LPP: variants seen among roughly 807,000 people sequenced by gnomAD.
The protein encoded by LPP is lipoma-preferred partner.
A neutral mutation model predicts 60.4 loss-of-function variants in LPP; 38 were observed. The observed-to-expected ratio is 0.63, with a 90% CI of 0.49 to 0.83. The LOEUF is 0.83. Among genes scored for constraint, LPP ranks in the 40% least tolerant of loss-of-function variants. The pLI, the probability that LPP is intolerant of heterozygous loss-of-function variation, is 0.00. For synonymous variants in LPP, 328 were observed against 290.8 expected, an observed-to-expected ratio of 1.13 and a Z score of -1.30; for missense variants, 902 against 783.6, an observed-to-expected ratio of 1.15 and a Z score of -1.80.
At chr3:188,577,692 C>T (rs942106884) in intron 6 of LPP, among the ~76,000 whole-genome samples, 2 of 151,658 alleles carry the variant, frequency 1.3e-5, no homozygotes, top group Admixed American at 6.6e-5. Context: ...TTCTCCCTCC[C>T]TTCCTTTCTA....
At chr3:188,787,985 C>G (rs1742486221) in intron 9 of LPP, among the ~76,000 whole-genome samples, 1 of 152,186 alleles carries the variant, frequency 6.6e-6, no homozygotes, top group African/African-American at 2.4e-5. Flanking sequence ...AAGGTGTTCC[C>G]TTTTAAACCT....
chr3:188,747,929 T>C (rs16863577), intron 8 of LPP, among the ~76,000 whole-genome samples: 17,034 of 152,152 alleles, frequency 0.11, 1,054 homozygotes, highest in East Asian at 0.15. Context: ...TGTCAAGTAT[T>C]TGTGGCCCCA....
chr3:188,532,020 A>G (rs749697920), intron 6 of LPP, among the ~76,000 whole-genome samples: 1 of 152,122 alleles, frequency 6.6e-6, no homozygotes, highest in Non-Finnish European at 1.5e-5. Context: ...CTCCAGGTAG[A>G]TTGTGTCAGA....
intron 2 of LPP, among the ~76,000 whole-genome samples, chr3:188,303,349 G>T (rs1009887246): frequency 6.6e-6 from 1 of 152,182 alleles, no homozygotes; most frequent in Non-Finnish European, 1.5e-5. Flanking sequence ...TGAAAATAGA[G>T]AACTTTGTTT....
intron 8 of LPP, among the ~76,000 whole-genome samples, chr3:188,722,588 A>G (rs192183639): frequency 1.6e-4 from 24 of 152,200 alleles, no homozygotes; most frequent in African/African-American, 5.3e-4. Context: ...GCAGCTTTAA[A>G]ATGAGTGTTA....
chr3:188,503,379 A>G (rs1310941490), intron 5 of LPP, among the ~76,000 whole-genome samples: 2 of 152,208 alleles, frequency 1.3e-5, no homozygotes, highest in Non-Finnish European at 2.9e-5. Flanking sequence ...CAATCAAATT[A>G]CAATAATATG....
chr3:188,731,101 A>G (rs1401191813), intron 8 of LPP, among the ~76,000 whole-genome samples: 1 of 152,170 alleles, frequency 6.6e-6, no homozygotes, highest in East Asian at 1.9e-4. Flanking sequence ...GGTTTCAAGC[A>G]TTTGGACATG....
At chr3:188,613,261 C>CCTATACCTATATCTATAT (rs374856083) in intron 7 of LPP, among the ~76,000 whole-genome samples, 5 of 117,336 alleles carry the variant, frequency 4.3e-5, no homozygotes, top group African/African-American at 1.2e-4. Flanking sequence ...TATATCTATA[C>CCTATACCTATATCTATAT]CTATATCTAT....
At chr3:188,238,991 T>G (rs2149426024) in intron 2 of LPP, among the ~76,000 whole-genome samples, 1 of 152,246 alleles carries the variant, frequency 6.6e-6, no homozygotes, top group Admixed American at 6.5e-5. Context: ...CAGGAAAAAA[T>G]AAATTGCTTT....
intron 1 of LPP, among the ~76,000 whole-genome samples, chr3:188,184,014 A>G (rs76461682): frequency 0.015 from 2,322 of 152,232 alleles, 62 homozygotes; most frequent in African/African-American, 0.054. Flanking sequence ...TAAGATTTCC[A>G]GTTGCTGGAG....
intron 6 of LPP, among the ~76,000 whole-genome samples, chr3:188,583,539 A>T (rs962561860): frequency 6.6e-6 from 1 of 151,992 alleles, no homozygotes; most frequent in Non-Finnish European, 1.5e-5. Context: ...CCTAATCCTT[A>T]CACCTTCCAC....
intron 4 of LPP, among the ~76,000 whole-genome samples, chr3:188,451,691 C>T (rs140320879): frequency 3.1e-4 from 47 of 152,204 alleles, no homozygotes; most frequent in African/African-American, 9.9e-4. Context: ...GGTAGATGAT[C>T]TGTGTGTGCT....
chr3:188,853,018 C>T (rs1355752486), intron 9 of LPP, among the ~76,000 whole-genome samples: 3 of 152,024 alleles, frequency 2.0e-5, no homozygotes, highest in Non-Finnish European at 4.4e-5. Context: ...AGCACAGTGT[C>T]GGGCACCTGT....
Position 188,789,976 on chromosome 3 carries a change from A to G in LPP, c.1410+29694A>G, listed in dbSNP as rs1047019799. ...GCTTGTGATAGGAGTACAAATTAATACAACCTTTTCGAAACAAAATTTAGC... is the reference window on the plus strand; with the variant it reads ...GCTTGTGATAGGAGTACAAATTAATGCAACCTTTTCGAAACAAAATTTAGC... On this transcript the variant is annotated intron_variant, in intron 9 of 11. Transcript: ENST00000617246. Among the ~76,000 whole-genome samples the G allele has an allele frequency of 2.6e-5, 4 of 152,210 alleles. No individual in the cohort carries two copies. The South Asian group carries it at 8.3e-4, about 32-fold the overall frequency.
intron 8 of LPP, among the ~76,000 whole-genome samples, chr3:188,737,610 T>C (rs750229138): frequency 1.3e-5 from 2 of 152,150 alleles, no homozygotes; most frequent in Non-Finnish European, 2.9e-5. Flanking sequence ...AAATATTCAG[T>C]GTGTTCTTTT....
chr3:188,739,447 T>G (rs916302817), intron 8 of LPP, among the ~76,000 whole-genome samples: 44 of 152,172 alleles, frequency 2.9e-4, no homozygotes, highest in African/African-American at 1.0e-3. Context: ...GCATAGAGAT[T>G]GGAAAACATG....
At chr3:188,291,645 CAAA>C (rs34001206) in intron 2 of LPP, among the ~76,000 whole-genome samples, 6 of 96,736 alleles carry the variant, frequency 6.2e-5, no homozygotes, top group African/African-American at 8.9e-5. Flanking sequence ...GACTCTGTCT[CAAA>C]AAAAAAAAAA....
At chr3:188,862,679 T>C (rs1170659484) in intron 9 of LPP, among the ~76,000 whole-genome samples, 2 of 135,736 alleles carry the variant, frequency 1.5e-5, no homozygotes, top group African/African-American at 5.6e-5. Context: ...TTCTTTTAAA[T>C]CCCCAGCTAT....
intron 1 of LPP, chr3:188,178,601 C>T (rs1442520676): frequency 6.6e-6 from 1 of 152,284 alleles, no homozygotes; most frequent in Admixed American, 6.5e-5. Context: ...AACTTCAGGT[C>T]ACACTGTTGT....
Sources: allele counts gnomAD v4.1 joint callset (sites outside exome capture counted in the v4.1 genomes callset), GRCh38; gene constraint gnomAD v4.1.1; transcripts MANE v1.5; gene names NCBI Gene and HGNC (gene_info 2026-07-23, HGNC 2026-07-21).